EBF3: variants seen among roughly 807,000 people sequenced by gnomAD.
EBF3 encodes the protein transcription factor COE3.
EBF3 carries 18 observed loss-of-function variants against 77.1 expected under a neutral mutation model. The observed-to-expected ratio is 0.23, with a 90% CI of 0.16 to 0.35. EBF3 has a LOEUF of 0.35. Ranked by LOEUF, EBF3 falls within the 10% of genes least tolerant of loss-of-function variation. The pLI is 1.00. For synonymous variants in EBF3, 350 were observed against 343.5 expected (o/e 1.02, Z -0.21); for missense variants, 558 against 860.0 (o/e 0.65, Z 4.39).
At chr10:129,855,380 AT>A (rs1851183491) in intron 10 of EBF3, among the ~76,000 whole-genome samples, 1 of 152,202 alleles carries the variant, frequency 6.6e-6, no homozygotes, top group Non-Finnish European at 1.5e-5. Context: ...GCTGACAACT[AT>A]TGGATTGCAT....
At chr10:129,956,514 T>TTGTTGCTTCAACTAAAGCAACAACTA (rs1859049495) in intron 6 of EBF3, among the ~76,000 whole-genome samples, 1 of 152,216 alleles carries the variant, frequency 6.6e-6, no homozygotes, top group Non-Finnish European at 1.5e-5. Context: ...GGTGGTGTTT[T>TTGTTGCTTCAACTAAAGCAACAACTA]TGTTGCTTCA....
At chr10:129,937,332 A>T (rs1857432563) in intron 6 of EBF3, among the ~76,000 whole-genome samples, 1 of 152,122 alleles carries the variant, frequency 6.6e-6, no homozygotes, top group South Asian at 2.1e-4. Flanking sequence ...AGGACACCCC[A>T]AATCTAGACA....
chr10:129,917,651 C>CAAAAAAAAAAA lies in EBF3; in HGVS notation c.554+39596_554+39606dup, dbSNP rs71481019. On this transcript the variant is annotated intron_variant, in intron 6 of 16. Coordinates refer to ENST00000440978, the MANE Select transcript of EBF3 (RefSeq NM_001375380.1). ...TGGGCACCACAGCAAGACCCTGCCT[C>CAAAAAAAAAAA]AAAAAAAAAAAAAAAAAAAAAAAAA... Among the ~76,000 whole-genome samples the CAAAAAAAAAAA allele has an allele frequency of 3.1e-3, 73 of 23,584 alleles. 5 individuals are homozygous for CAAAAAAAAAAA. The highest frequency in any genetic ancestry group is 8.2e-3 in the East Asian group (7 of 856). 15.5% of individuals were successfully genotyped at this position (23,584 alleles called of 152,430 possible).
Position 129,963,718 on chromosome 10 carries a change from C to A in EBF3, c.51G>T (p.Glu17Asp). The A allele has an allele frequency of 6.5e-7, 1 of 1,535,590 alleles. No individual in the cohort carries two copies. The highest frequency in any genetic ancestry group is 8.8e-7 in the Non-Finnish European group (1 of 1,135,170). ...GGTTCATGCCGCTGCCCAGCGGCTC[C>A]TCCTTCATGGTCGTCCCCCCGCGCG... ...NIPRGGTTMK[E>D]EPLGSGMNPV... is the part of the protein sequence containing the mutation. The change falls in exon 1 of 17, where the codon GAG (glutamate) becomes GAT (aspartate). Residue 17 changes from glutamate (E) to aspartate (D), a missense_variant. Physicochemically the swap from Glu to Asp is conservative, Grantham distance 45 (BLOSUM62 2). Around this residue, in one of 5 missense-constraint regions of EBF3, gnomAD observed 64 missense variants for 54.5 expected, o/e 1.18. Coordinates refer to ENST00000440978, the MANE Select transcript of EBF3 (RefSeq NM_001375380.1). The surrounding 1 kb of genome is among the most constrained non-coding windows in gnomAD (Gnocchi z 7.1).
intron 11 of EBF3, among the ~76,000 whole-genome samples, chr10:129,843,954 GAGTTT>G (rs1456870136): frequency 1.3e-5 from 2 of 152,184 alleles, no homozygotes; most frequent in African/African-American, 4.8e-5. Flanking sequence ...GATTAATCCA[GAGTTT>G]AGTTAATTTT....
chr10:129,854,692 T>C (rs1216096094), intron 10 of EBF3, among the ~76,000 whole-genome samples: 1 of 152,246 alleles, frequency 6.6e-6, no homozygotes, highest in African/African-American at 2.4e-5. Flanking sequence ...GGCTAAATTA[T>C]TGCTGCATTT....
At chr10:129,891,545 T>C (rs1854018817) in intron 6 of EBF3, among the ~76,000 whole-genome samples, 4 of 152,250 alleles carry the variant, frequency 2.6e-5, no homozygotes, top group African/African-American at 9.6e-5. Context: ...CGAAAACGAC[T>C]GTTGTGTGTT....
Position 129,935,231 on chromosome 10 carries a change from CCTGTCACAGCAGCCACTGTGGCCCATGG to C in EBF3, c.554+21999_554+22026del, listed in dbSNP as rs1483052321. ...GAGATTCTTGAAGGTCCCACTCGCA[CCTGTCACAGCAGCCACTGTGGCCCATGG>C]CTGTCCCAGCACCCAGAGTGGAGTT... On this transcript the variant is annotated intron_variant, in intron 6 of 16. Transcript: ENST00000440978. The surrounding 1 kb of genome is among the most constrained non-coding windows in gnomAD (Gnocchi z 4.2). Among the ~76,000 whole-genome samples, 1 of 152,152 alleles carries C rather than the reference CCTGTCACAGCAGCCACTGTGGCCCATGG, an allele frequency of 6.6e-6. No individual in the cohort carries two copies. The highest frequency in any genetic ancestry group is 1.5e-5 in the Non-Finnish European group (1 of 68,020).
rs1455111436 is a variant in EBF3, at chr10:129,841,776, C to T, written c.1372+340G>A. Among the ~76,000 whole-genome samples the T allele has an allele frequency of 1.3e-5, 2 of 152,172 alleles. No homozygotes were observed. The highest frequency in any genetic ancestry group is 4.8e-5 in the African/African-American group (2 of 41,442). The stretch of plus-strand genomic sequence containing the variant: ...CGTCCAAGCAGGCTCCCCTCAGCTC[C>T]CTAGGCCATGGCTATCCTATGGCTT... On this transcript the variant is annotated intron_variant, in intron 13 of 16. Coordinates refer to ENST00000440978, the MANE Select transcript of EBF3 (RefSeq NM_001375380.1). This position sits in a 1 kb window ranked among gnomAD's most constrained non-coding sequence, Gnocchi z 4.6.
At chr10:129,896,615 C>G (rs751208734) in intron 6 of EBF3, among the ~76,000 whole-genome samples, 4 of 152,196 alleles carry the variant, frequency 2.6e-5, no homozygotes, top group Admixed American at 6.5e-5. Context: ...GGCCTCCTGG[C>G]GAGCCTCCCG....
intron 6 of EBF3, among the ~76,000 whole-genome samples, chr10:129,889,400 G>A (rs1853851271): frequency 6.6e-6 from 1 of 152,256 alleles, no homozygotes; most frequent in African/African-American, 2.4e-5. Flanking sequence ...TGGGCTGGGA[G>A]CAGCTCCTGC....
chr10:129,869,810 C>A (rs888189996), intron 8 of EBF3, among the ~76,000 whole-genome samples: 2 of 152,224 alleles, frequency 1.3e-5, no homozygotes, highest in Non-Finnish European at 2.9e-5. Context: ...CTGCCCTTAA[C>A]TAGCGCTGTT....
chr10:129,859,015 A>G (rs1051449143), intron 10 of EBF3, among the ~76,000 whole-genome samples: 9 of 152,142 alleles, frequency 5.9e-5, no homozygotes, highest in Non-Finnish European at 1.3e-4. Context: ...CTCCGTAATG[A>G]CCCTTCGAGA....
chr10:129,929,443 C>G (rs891258589), intron 6 of EBF3, among the ~76,000 whole-genome samples: 1 of 152,126 alleles, frequency 6.6e-6, no homozygotes, highest in African/African-American at 2.4e-5. Flanking sequence ...TGAGCTCAAG[C>G]AATCCGCCCA....
Position 129,863,612 on chromosome 10 carries a change from G to A in EBF3, c.1039+3529C>T, listed in dbSNP as rs561945434. Among the ~76,000 whole-genome samples the A allele has an allele frequency of 8.5e-5, 13 of 152,336 alleles. No homozygotes were observed. Among genetic ancestry groups the A allele is most frequent in the African/African-American group, 2.9e-4 (12 of 41,576 alleles). On this transcript the variant is annotated intron_variant, in intron 10 of 16. Transcript: ENST00000440978. This position sits in a 1 kb window ranked among gnomAD's most constrained non-coding sequence, Gnocchi z 4.0. ...ATGTGAGGGTGTCCCGGCAGCCTCC[G>A]GGGCTGGGGGACACTGATGGGAACC...
chr10:129,839,494 G>A (rs1052236633), intron 15 of EBF3, among the ~76,000 whole-genome samples: 3 of 151,832 alleles, frequency 2.0e-5, no homozygotes, highest in Admixed American at 2.0e-4. Flanking sequence ...CCCACCCCGT[G>A]TGGCCTCATC....
At chr10:129,884,071 C>A (rs1853400404) in intron 6 of EBF3, among the ~76,000 whole-genome samples, 1 of 152,110 alleles carries the variant, frequency 6.6e-6, no homozygotes, top group Non-Finnish European at 1.5e-5. Context: ...AAGATAGAGC[C>A]TTTAAGAGAC....
chr10:129,895,351 C>A (rs572372766), intron 6 of EBF3, among the ~76,000 whole-genome samples: 2 of 152,208 alleles, frequency 1.3e-5, no homozygotes, highest in Admixed American at 6.5e-5. Context: ...GGAGGCCCTG[C>A]GACAAGGCTT....
chr10:129,865,068 G>A (rs746480182), intron 10 of EBF3, among the ~76,000 whole-genome samples: 2 of 152,190 alleles, frequency 1.3e-5, no homozygotes, highest in Non-Finnish European at 2.9e-5. Flanking sequence ...GGGGCCTACA[G>A]CCTCTACAGC....
Sources: gnomAD v4.1 joint callset for allele counts (sites outside exome capture counted in the v4.1 genomes callset) on GRCh38, gnomAD v4.1.1 for gene constraint, gnomAD v4.1.1 regional missense constraint, Gnocchi (gnomAD v3.1) non-coding constraint, MANE v1.5 for transcripts, NCBI Gene and HGNC (gene_info 2026-07-23, HGNC 2026-07-21) for gene names.